The following GRIA3 variants were observed in gnomAD, a reference collection of about 807,000 sequenced individuals.
GRIA3 encodes glutamate ionotropic receptor AMPA type subunit 3.
A neutral mutation model predicts 63.0 loss-of-function variants in GRIA3; 3 were observed. The ratio of observed to expected loss-of-function variants is 0.05; its 90% CI spans 0.02 to 0.12. The LOEUF is 0.12. GRIA3 is among the 10% of genes least tolerant of loss of function. The pLI is 1.00. For missense variants in GRIA3, 347 were observed against 700.9 expected (o/e 0.50, Z 5.70); for synonymous variants, 274 against 257.9 (o/e 1.06, Z -0.60).
intron 3 of GRIA3, among the ~76,000 whole-genome samples, chrX:123,313,254 G>C (rs762241940): frequency 9.0e-6 from 1 of 111,418 alleles, no homozygotes; most frequent in Non-Finnish European, 1.9e-5. Flanking sequence ...TGTGAGTTTT[G>C]AACCCCATTT....
chrX:123,233,831 T>A (rs1209388714), intron 2 of GRIA3, among the ~76,000 whole-genome samples: 2 of 111,766 alleles, frequency 1.8e-5, no homozygotes, highest in African/African-American at 6.5e-5. Flanking sequence ...AAGCCATGAA[T>A]AGTAAGTATT....
intron 13 of GRIA3, among the ~76,000 whole-genome samples, chrX:123,475,159 C>T (rs188381762): frequency 8.9e-6 from 1 of 111,878 alleles, no homozygotes; most frequent in East Asian, 2.8e-4. Flanking sequence ...TCACTCTCTC[C>T]ATCTGATCAG....
At chrX:123,424,031 A>C (rs998301185) in intron 11 of GRIA3, among the ~76,000 whole-genome samples, 18 of 111,978 alleles carry the variant, frequency 1.6e-4, no homozygotes, top group African/African-American at 5.8e-4. Context: ...AAGGTATGAT[A>C]CGCTTCTTAT....
chrX:123,352,237 C>T (rs1412531176), intron 4 of GRIA3, among the ~76,000 whole-genome samples: 3 of 111,573 alleles, frequency 2.7e-5, no homozygotes, highest in Non-Finnish European at 5.7e-5. Flanking sequence ...TCTGCCACCA[C>T]GTCTGGCTAA....
At chrX:123,395,221 G>A in intron 6 of GRIA3, 92 bp downstream of exon 6, 1 of 816,649 alleles carries the variant, frequency 1.2e-6, no homozygotes, top group South Asian at 2.1e-5. Context: ...TTATGATCAA[G>A]TGATTTTCCT....
chrX:123,306,894 G>A (rs903419076), intron 3 of GRIA3, among the ~76,000 whole-genome samples: 2 of 111,917 alleles, frequency 1.8e-5, no homozygotes, highest in Non-Finnish European at 3.8e-5. Context: ...TCTTGCTCCA[G>A]GGACTTTGGC....
intron 2 of GRIA3, among the ~76,000 whole-genome samples, chrX:123,242,480 A>G (rs16997218): frequency 0.032 from 3,609 of 111,661 alleles, 141 homozygotes; most frequent in African/African-American, 0.11. Context: ...TATTTTTTCA[A>G]TTAAGAGTCC....
intron 3 of GRIA3, among the ~76,000 whole-genome samples, chrX:123,265,681 A>G (rs2044484104): frequency 8.9e-6 from 1 of 111,917 alleles, no homozygotes; most frequent in Non-Finnish European, 1.9e-5. Context: ...TGTATAATGA[A>G]ACTAGAACTT....
chrX:123,300,627 T>A (rs2044716863), intron 3 of GRIA3, among the ~76,000 whole-genome samples: 1 of 108,542 alleles, frequency 9.2e-6, no homozygotes, highest in Non-Finnish European at 1.9e-5. Context: ...TGGTTTTTTG[T>A]TTGTTTGTTT....
At chrX:123,441,247 G>A (rs1171012195) in intron 12 of GRIA3, among the ~76,000 whole-genome samples, 1 of 111,982 alleles carries the variant, frequency 8.9e-6, no homozygotes, top group African/African-American at 3.2e-5. Context: ...TATTGACTAA[G>A]GTAGTTAGTT....
At chrX:123,199,046 T>C (rs773376471) in intron 2 of GRIA3, among the ~76,000 whole-genome samples, 24 of 111,290 alleles carry the variant, frequency 2.2e-4, no homozygotes, top group Non-Finnish European at 4.5e-4. Context: ...ACGTATTCGT[T>C]TGAGTGGATG....
chrX:123,214,443 AC>A lies in GRIA3; in HGVS notation c.268+28456del, dbSNP rs1206344626. On this transcript the variant is annotated intron_variant, in intron 2 of 15. Transcript: ENST00000620443. ...AATGTTCATCTAAGAACATTCCATA[AC>A]CCAGACTTTACCCTAAATAAGACTG... 2.7e-5 allele frequency among the ~76,000 whole-genome samples: 3 copies of A among 111,590 alleles called. No individual in the cohort carries two copies. In the Admixed American group the frequency reaches 2.8e-4, roughly 11 times the overall value.
chrX:123,432,653 A>G (rs1169528368), intron 12 of GRIA3, among the ~76,000 whole-genome samples: 1 of 111,783 alleles, frequency 8.9e-6, no homozygotes, highest in Non-Finnish European at 1.9e-5. Flanking sequence ...AATATAAGGC[A>G]GAAAAATCCC....
intron 2 of GRIA3, among the ~76,000 whole-genome samples, chrX:123,228,855 T>C (rs1035191451): frequency 9.0e-6 from 1 of 111,730 alleles, no homozygotes; most frequent in South Asian, 3.8e-4. Context: ...ATATTGCTGA[T>C]GGAGTGAAGT....
At chrX:123,445,451 T>A (rs929142626) in intron 12 of GRIA3, among the ~76,000 whole-genome samples, 1 of 112,341 alleles carries the variant, frequency 8.9e-6, no homozygotes, top group Non-Finnish European at 1.9e-5. Context: ...ACAGTATCCA[T>A]TGTACCAGGA....
At chrX:123,287,578 A>T (rs1014400685) in intron 3 of GRIA3, among the ~76,000 whole-genome samples, 1 of 112,216 alleles carries the variant, frequency 8.9e-6, no homozygotes, top group Non-Finnish European at 1.9e-5. Flanking sequence ...CTCAGGATAC[A>T]AAATCAATGT....
At chrX:123,349,377 C>T (rs2045077682) in intron 4 of GRIA3, among the ~76,000 whole-genome samples, 1 of 112,226 alleles carries the variant, frequency 8.9e-6, no homozygotes, top group African/African-American at 3.2e-5. Flanking sequence ...AGCATTAAAT[C>T]TTCCATGTAT....
intron 4 of GRIA3, among the ~76,000 whole-genome samples, chrX:123,351,713 C>T (rs1185030266): frequency 1.8e-5 from 2 of 111,960 alleles, no homozygotes; most frequent in African/African-American, 6.5e-5. Context: ...TTCTAGTTTG[C>T]AGCTTTTAAT....
At chrX:123,488,664 T>C (rs1252135990) in intron 15 of GRIA3, 49 bp from the exon 16 acceptor site, 2 of 112,017 alleles carry the variant, frequency 1.8e-5, no homozygotes, top group Non-Finnish European at 3.8e-5. Flanking sequence ...AACTTCTCAA[T>C]TCCTAATAGG....
Sources: allele counts gnomAD v4.1 joint callset (sites outside exome capture counted in the v4.1 genomes callset), GRCh38; gene constraint gnomAD v4.1.1; transcripts MANE v1.5; gene names NCBI Gene and HGNC (gene_info 2026-07-23, HGNC 2026-07-21).